The following UNC5C variants were observed in gnomAD, a reference collection of about 807,000 sequenced individuals.
UNC5C encodes the protein netrin receptor UNC5C.
A neutral mutation model predicts 99.8 loss-of-function variants in UNC5C; 47 were observed. The ratio of observed to expected loss-of-function variants is 0.47; its 90% CI spans 0.37 to 0.60. The LOEUF (loss-of-function observed/expected upper bound fraction) is 0.60. Among genes scored for constraint, UNC5C ranks in the 20% least tolerant of loss-of-function variants. UNC5C has a pLI of 0.00. For synonymous variants in UNC5C, 487 were observed against 452.2 expected (o/e 1.08, Z -0.98); for missense variants, 1,062 against 1,165.9 (o/e 0.91, Z 1.30).
intron 1 of UNC5C, among the ~76,000 whole-genome samples, chr4:95,460,605 G>A (rs1747571916): frequency 6.6e-6 from 1 of 152,162 alleles, no homozygotes; most frequent in Admixed American, 6.6e-5. Flanking sequence ...TGTAAGTCAT[G>A]CCTTTTGTCT....
chr4:95,313,177 A>G (rs1742333738), intron 2 of UNC5C, among the ~76,000 whole-genome samples: 1 of 152,124 alleles, frequency 6.6e-6, no homozygotes, highest in African/African-American at 2.4e-5. Context: ...TGCATGGAGC[A>G]CTCTAGGGGA....
At chr4:95,482,211 C>A (rs898775093) in intron 1 of UNC5C, among the ~76,000 whole-genome samples, 12 of 151,454 alleles carry the variant, frequency 7.9e-5, no homozygotes, top group Non-Finnish European at 1.6e-4. Flanking sequence ...CATGAACAGA[C>A]ACTTCTCAAA....
chr4:95,512,468 C>A (rs1265720557), intron 1 of UNC5C, among the ~76,000 whole-genome samples: 1 of 152,052 alleles, frequency 6.6e-6, no homozygotes, highest in Non-Finnish European at 1.5e-5. Flanking sequence ...TATGGGAAAC[C>A]AGGCATGGTT....
At chr4:95,417,033 A>G (rs935868352) in intron 1 of UNC5C, among the ~76,000 whole-genome samples, 18 of 152,168 alleles carry the variant, frequency 1.2e-4, no homozygotes, top group African/African-American at 4.3e-4. Context: ...TACTGGGGAG[A>G]AAAGGGGGCC....
chr4:95,323,145 G>A (rs1742755150), intron 2 of UNC5C, among the ~76,000 whole-genome samples: 1 of 152,120 alleles, frequency 6.6e-6, no homozygotes, highest in African/African-American at 2.4e-5. Flanking sequence ...TTAAGAATGA[G>A]TAAGATGCTG....
At position 95,169,385 on chromosome 4, in the gene UNC5C, A is replaced by G. The variant is rs752109152; in HGVS notation, c.2645T>C (p.Phe882Ser). 5 of 1,614,128 alleles carry G rather than the reference A, an allele frequency of 3.1e-6. No homozygotes were observed. The highest frequency in any genetic ancestry group is 4.2e-6 in the Non-Finnish European group (5 of 1,179,958). ...KLNLDRYLNY[F>S]ATKSSPTGVI... The stretch of plus-strand genomic sequence containing the variant: ...GCCAGTTGGGCTGGATTTGGTGGCA[A>G]AGTAATTCAAGTACCTGTAATTGGG... Residue 882 changes from phenylalanine to serine, a missense_variant, in exon 16 of 16, where the codon TTT becomes TCT. Transcript: ENST00000453304.
intron 1 of UNC5C, among the ~76,000 whole-genome samples, chr4:95,533,392 G>A (rs776383083): frequency 4.1e-4 from 62 of 151,078 alleles, no homozygotes; most frequent in Non-Finnish European, 5.6e-4. Flanking sequence ...GCAGAACTCC[G>A]TCTCAAAAAA....
At chr4:95,444,370 G>A (rs998689290) in intron 1 of UNC5C, among the ~76,000 whole-genome samples, 3 of 145,960 alleles carry the variant, frequency 2.1e-5, no homozygotes, top group South Asian at 2.1e-4. Flanking sequence ...TCGCTCTGTC[G>A]CCCAGGCTGG....
chr4:95,282,714 C>T (rs1373644126), intron 3 of UNC5C, among the ~76,000 whole-genome samples: 3 of 152,310 alleles, frequency 2.0e-5, no homozygotes, highest in Middle Eastern at 3.4e-3. Flanking sequence ...TTCCTGGCCT[C>T]TCTGAGCATT....
chr4:95,406,934 G>A (rs1486848205), intron 1 of UNC5C, among the ~76,000 whole-genome samples: 1 of 152,148 alleles, frequency 6.6e-6, no homozygotes, highest in East Asian at 1.9e-4. Context: ...TAATTCAGTG[G>A]TTATAGATGG....
chr4:95,166,410 G>A lies in UNC5C; in HGVS notation c.*2824C>T, dbSNP rs1405265827. On this transcript the variant is annotated 3_prime_UTR_variant, in exon 16 of 16. Transcript: ENST00000453304. ...ATAGGAAACATTAAGGGTTCTGACA[G>A]ATGAGTACCTCACACACGAAATCAA... 6.6e-6 allele frequency: 1 copy of A among 152,238 alleles called. No individual in the cohort carries two copies. Among genetic ancestry groups the A allele is most frequent in the Non-Finnish European group, 1.5e-5 (1 of 68,046 alleles). 9.4% of individuals were successfully genotyped at this position (152,238 alleles called of 1,614,324 possible).
rs1206398445 is a variant in UNC5C at position 95,424,431 on chromosome 4, TTCTC to T, written c.125-88804_125-88801del. Among the ~76,000 whole-genome samples, 3 of 151,884 alleles carry T rather than the reference TTCTC, an allele frequency of 2.0e-5. No individual in the cohort carries two copies. The East Asian group carries it at 5.8e-4, about 29-fold the overall frequency. The stretch of plus-strand genomic sequence containing the variant: ...GCTTCATATATATTGAAGTGCTCAA[TTCTC>T]TCAGCAACATTGTAAGTACGGTTAA... On this transcript the variant is annotated intron_variant, in intron 1 of 15. Transcript: ENST00000453304.
chr4:95,462,012 T>C (rs1747616532), intron 1 of UNC5C, among the ~76,000 whole-genome samples: 1 of 152,220 alleles, frequency 6.6e-6, no homozygotes, highest in Non-Finnish European at 1.5e-5. Flanking sequence ...CCCACAATCC[T>C]TTCCTCAATC....
intron 1 of UNC5C, among the ~76,000 whole-genome samples, chr4:95,382,476 G>A (rs1021683474): frequency 1.3e-5 from 2 of 150,906 alleles, no homozygotes; most frequent in Admixed American, 1.3e-4. Flanking sequence ...AAAAAAAAGA[G>A]TGTTTTCATT....
intron 3 of UNC5C, among the ~76,000 whole-genome samples, chr4:95,281,431 T>C (rs531279397): frequency 2.0e-5 from 3 of 152,108 alleles, no homozygotes; most frequent in African/African-American, 7.2e-5. Flanking sequence ...AGGAGCAAGA[T>C]CAGAGAACAA....
At chr4:95,260,556 A>G (rs1740181944) in intron 4 of UNC5C, among the ~76,000 whole-genome samples, 1 of 152,188 alleles carries the variant, frequency 6.6e-6, no homozygotes, top group Admixed American at 6.5e-5. Flanking sequence ...TCCCCACAGA[A>G]AGGATTCTGG....
At chr4:95,403,850 G>T (rs1745764041) in intron 1 of UNC5C, among the ~76,000 whole-genome samples, 1 of 152,164 alleles carries the variant, frequency 6.6e-6, no homozygotes, top group Non-Finnish European at 1.5e-5. Context: ...CAATAGGAGG[G>T]TATTTCCGAA....
At chr4:95,247,057 AAAAG>A (rs919202095) in intron 5 of UNC5C, among the ~76,000 whole-genome samples, 14 of 152,106 alleles carry the variant, frequency 9.2e-5, no homozygotes, top group Admixed American at 4.6e-4. Context: ...AAATAAAAAA[AAAAG>A]AAAGAAAATT....
In UNC5C at chr4:95,242,530, C is replaced by T. The variant is rs763344659; in HGVS notation, c.1007G>A (p.Arg336His). 15 of 1,612,240 alleles carry T rather than the reference C, an allele frequency of 9.3e-6. No individual in the cohort carries two copies. Among genetic ancestry groups the T allele is most frequent in the South Asian group, 5.5e-5 (5 of 90,650 alleles). ...STCGTECTHW[R>H]RRECTAPAPK... ...GGCTGGCGCCGTGCACTCCCTCCTG[C>T]GCCAGTGGGTGCACTCAGTTCCACA... Residue 336 changes from arginine to histidine, a missense_variant, in exon 7 of 16, where the codon CGC becomes CAC. Transcript: ENST00000453304.
Sources: gnomAD v4.1 joint callset for allele counts (sites outside exome capture counted in the v4.1 genomes callset) on GRCh38, gnomAD v4.1.1 for gene constraint, MANE v1.5 for transcripts, NCBI Gene and HGNC (gene_info 2026-07-23, HGNC 2026-07-21) for gene names.